The following POU6F1 variants were observed in gnomAD, a reference collection of about 807,000 sequenced individuals.
POU6F1 encodes the protein POU domain, class 6, transcription factor 1.
In POU6F1, 9 loss-of-function variants were observed where a neutral mutation model predicts 28.9. That is an observed-to-expected ratio of 0.31 (90% CI 0.19 to 0.54). POU6F1 has a LOEUF of 0.54. POU6F1 is among the 20% of genes least tolerant of loss of function. The pLI is 0.94. For synonymous variants in POU6F1, 173 were observed against 171.1 expected (o/e 1.01, Z -0.09); for missense variants, 338 against 426.1 (o/e 0.79, Z 1.82).
chr12:51,208,399 T>C (rs185312663), intron 1 of POU6F1, among the ~76,000 whole-genome samples: 1 of 152,332 alleles, frequency 6.6e-6, no homozygotes, highest in East Asian at 1.9e-4. Flanking sequence ...GCATATTGTA[T>C]GCTAGACATT....
At chr12:51,196,366 A>G (rs774356160) in intron 7 of POU6F1, among the ~76,000 whole-genome samples, 193 bp from the exon 8 acceptor site, 13 of 152,174 alleles carry the variant, frequency 8.5e-5, no homozygotes, top group Non-Finnish European at 1.9e-4. Flanking sequence ...CCTCAGAGCT[A>G]TGGTGGAGCA....
chr12:51,194,634 T>A, intron 8 of POU6F1, among the ~76,000 whole-genome samples: 1 of 142,246 alleles, frequency 7.0e-6, no homozygotes, highest in Admixed American at 7.0e-5. Context: ...AGCAAGACCC[T>A]GGTCTCAAAA....
At position 51,199,999 on chromosome 12, in the gene POU6F1, A is replaced by G. The variant is rs1269857276; in HGVS notation, c.245-131T>C. On this transcript the variant is annotated intron_variant, in intron 3 of 10. Coordinates refer to ENST00000333640, the MANE Select transcript of POU6F1 (RefSeq NM_001330422.2). The surrounding 1 kb of genome is among the most constrained non-coding windows in gnomAD (Gnocchi z 4.1). ...CCTCAGCCCCATGCTGCATTGCTAC[A>G]TAGCCCAAGACCAATTGTTGGTCTT... 2.5e-6 allele frequency: 1 copy of G among 397,966 alleles called. No homozygotes were observed. Among genetic ancestry groups the G allele is most frequent in the Non-Finnish European group, 4.4e-6 (1 of 225,794 alleles). The allele number at this position is 397,966 out of a possible 1,614,324, so 24.7% of individuals were successfully genotyped here. A position where few individuals can be genotyped will look rare whatever the true frequency, so the allele number is the denominator to read the frequency against.
chr12:51,198,000 G>T lies in POU6F1; in HGVS notation c.616C>A (p.Leu206Ile). The T allele has an allele frequency of 2.5e-6, 1 of 399,936 alleles. No individual in the cohort carries two copies. The highest frequency in any genetic ancestry group is 4.4e-6 in the Non-Finnish European group (1 of 226,754). The allele number at this position is 399,936 out of a possible 1,614,324, so 24.8% of individuals were successfully genotyped here. Reference sequence around the variant, plus strand: ...GCGGCAGCTTGTACCGGTGCCGGAAGAGCGGTGTTCAGCACAGCAGCTGCT... The same window carrying T: ...GCGGCAGCTTGTACCGGTGCCGGAATAGCGGTGTTCAGCACAGCAGCTGCT... Reference protein sequence around the residue: ...LQAAAVLNTALPAPVQAAAPV... With the variant: ...LQAAAVLNTAIPAPVQAAAPV... Residue 206 changes from leucine (L) to isoleucine (I), a missense_variant, in exon 6 of 11, where the codon CTT (leucine) becomes ATT (isoleucine). By Grantham distance (5) the Leu-to-Ile change is conservative. Around this residue, in one of 3 missense-constraint regions of POU6F1, gnomAD observed 206 missense variants for 225.6 expected, o/e 0.91. Coordinates refer to ENST00000333640, the MANE Select transcript of POU6F1 (RefSeq NM_001330422.2).
At chr12:51,208,322 CAG>C (rs993212053) in intron 1 of POU6F1, among the ~76,000 whole-genome samples, 19 of 151,834 alleles carry the variant, frequency 1.3e-4, no homozygotes, top group Non-Finnish European at 2.4e-4. Context: ...GAGAGAGAGA[CAG>C]AGAATCAGGC....
rs1942078585 is a variant in POU6F1 at position 51,187,191 on chromosome 12, T to A, written c.*3056A>T. 6.6e-6 allele frequency: 1 copy of A among 152,176 alleles called. No homozygotes were observed. Among genetic ancestry groups the A allele is most frequent in the Non-Finnish European group, 1.5e-5 (1 of 68,016 alleles). The allele number at this position is 152,176 out of a possible 1,614,324, so 9.4% of individuals were successfully genotyped here. A position where few individuals can be genotyped will look rare whatever the true frequency, so the allele number is the denominator to read the frequency against. ...GTGTTCCTTAGTCCATTTGGCTGAG[T>A]TCTTTCCCTGGACTTCACCTGGATA... On this transcript the variant is annotated 3_prime_UTR_variant, in exon 11 of 11. Transcript: ENST00000333640.
intron 4 of POU6F1, 78 bp from the exon 5 acceptor site, chr12:51,198,853 G>A (rs1943019675): frequency 7.5e-6 from 3 of 397,890 alleles, no homozygotes; most frequent in Non-Finnish European, 1.3e-5. Flanking sequence ...CTGGGTCTCT[G>A]AGACCCAGCT....
chr12:51,196,137 T>G lies in POU6F1; in HGVS notation c.1012A>C (p.Ser338Arg). ...TGGGCTGGTGCTGGGGCCGCCACAC[T>G]AGCTGAGTTCACTACCCATGGAAGG... ...GTLPWVVNSA[S>R]VAAPAPAQSL... Residue 338 changes from serine to arginine, a missense_variant, in exon 8 of 11, where the codon AGT becomes CGT. Ser to Arg is a moderately radical substitution (Grantham distance 110). Around this residue, in one of 3 missense-constraint regions of POU6F1, gnomAD observed 206 missense variants for 225.6 expected, o/e 0.91. Coordinates refer to ENST00000333640, the MANE Select transcript of POU6F1 (RefSeq NM_001330422.2). 6.4e-7 allele frequency: 1 copy of G among 1,564,416 alleles called. No homozygotes were observed. Among genetic ancestry groups the G allele is most frequent in the Non-Finnish European group, 8.6e-7 (1 of 1,158,022 alleles).
chr12:51,207,014 TAAAAA>T, intron 1 of POU6F1, 131 bp from the exon 2 acceptor site: 1 of 333,726 alleles, frequency 3.0e-6, no homozygotes. Flanking sequence ...CTGTAGAGGT[TAAAAA>T]AAAAAAAAAG....
At position 51,187,934 on chromosome 12, in the gene POU6F1, A is replaced by G. The variant is rs917414441; in HGVS notation, c.*2313T>C. 4 of 152,164 alleles carry G rather than the reference A, an allele frequency of 2.6e-5. No homozygotes were observed. Among genetic ancestry groups the G allele is most frequent in the African/African-American group, 4.8e-5 (2 of 41,436 alleles). 9.4% of individuals were successfully genotyped at this position (152,164 alleles called of 1,614,324 possible). A position where few individuals can be genotyped will look rare whatever the true frequency, so the allele number is the denominator to read the frequency against. On this transcript the variant is annotated 3_prime_UTR_variant, in exon 11 of 11. Coordinates refer to ENST00000333640, the MANE Select transcript of POU6F1 (RefSeq NM_001330422.2). ...TCTGAGCATGAAAACCTGCATCGCC[A>G]TAAGTTTTTGTTTGTTTGAGACCGA...
At position 51,196,890 on chromosome 12, in the gene POU6F1, A is replaced by G; in HGVS notation, c.884T>C (p.Leu295Pro). The G allele has an allele frequency of 6.2e-7, 1 of 1,611,860 alleles. No individual in the cohort carries two copies. Among genetic ancestry groups the G allele is most frequent in the Non-Finnish European group, 8.5e-7 (1 of 1,178,092 alleles). Residue 295 changes from leucine (L) to proline (P), a missense_variant, in exon 7 of 11, where the codon CTG (leucine) becomes CCG (proline). Physicochemically the swap from Leu to Pro is moderately conservative, Grantham distance 98 (BLOSUM62 -3). Coordinates refer to ENST00000333640, the MANE Select transcript of POU6F1 (RefSeq NM_001330422.2). ...GACTGGAGCTGTAGTGAGGGACCCC[A>G]GGATCTGGGTCTGTCCCCCGAGGGA... ...AASLGGQTQI[L>P]GSLTTAPVIT...
In POU6F1 at chr12:51,217,500, C is replaced by T. The variant is rs933425274; in HGVS notation, c.-48+142G>A. The stretch of plus-strand genomic sequence containing the variant: ...GGCCCAGCATCCCGCCGCCCCGGCC[C>T]CGCGGCTTTTTTTCTCTTTATCATA... On this transcript the variant is annotated intron_variant, in intron 1 of 10. Coordinates refer to ENST00000333640, the MANE Select transcript of POU6F1 (RefSeq NM_001330422.2). This position sits in a 1 kb window ranked among gnomAD's most constrained non-coding sequence, Gnocchi z 5.3. 6.5e-6 allele frequency: 1 copy of T among 152,824 alleles called. No individual in the cohort carries two copies. Among genetic ancestry groups the T allele is most frequent in the Non-Finnish European group, 1.5e-5 (1 of 68,046 alleles). 9.5% of individuals were successfully genotyped at this position (152,824 alleles called of 1,614,324 possible). A position where few individuals can be genotyped will look rare whatever the true frequency, so the allele number is the denominator to read the frequency against.
At chr12:51,213,492 G>A (rs1199108273) in intron 1 of POU6F1, among the ~76,000 whole-genome samples, 1 of 152,008 alleles carries the variant, frequency 6.6e-6, no homozygotes, top group Non-Finnish European at 1.5e-5. Context: ...GGTATTACTG[G>A]CATGAGCCAC....
At chr12:51,197,737 C>A in intron 6 of POU6F1, 33 bp downstream of exon 6, 1 of 399,498 alleles carries the variant, frequency 2.5e-6, no homozygotes. Context: ...TCCGTCCATC[C>A]CTGGTCAGCC....
At chr12:51,196,278 C>T in intron 7 of POU6F1, 105 bp from the exon 8 acceptor site, 2 of 957,296 alleles carry the variant, frequency 2.1e-6, no homozygotes, top group African/African-American at 1.7e-5. Flanking sequence ...GGACAAATCC[C>T]TCAACCTGCT....
At chr12:51,204,991 T>C (rs553519502) in intron 2 of POU6F1, among the ~76,000 whole-genome samples, 7 of 151,526 alleles carry the variant, frequency 4.6e-5, no homozygotes, top group African/African-American at 1.7e-4. Flanking sequence ...ATCCTGAAGA[T>C]GCATCCTCTC....
At chr12:51,211,193 A>G (rs1943963306) in intron 1 of POU6F1, among the ~76,000 whole-genome samples, 1 of 152,200 alleles carries the variant, frequency 6.6e-6, no homozygotes, top group African/African-American at 2.4e-5. Context: ...CAGGGAGGAG[A>G]GACAATCAGC....
At chr12:51,207,742 A>G (rs1943721722) in intron 1 of POU6F1, 1 of 152,262 alleles carries the variant, frequency 6.6e-6, no homozygotes, top group Non-Finnish European at 1.5e-5. Context: ...ATGTAAATGC[A>G]GACCCTTAGA....
In POU6F1 at chr12:51,198,003, C is replaced by A. The variant is rs780062802; in HGVS notation, c.613G>T (p.Ala205Ser). The A allele has an allele frequency of 1.2e-4, 47 of 399,630 alleles. No homozygotes were observed. Among genetic ancestry groups the A allele is most frequent in the Non-Finnish European group, 1.9e-4 (42 of 226,662 alleles). 24.8% of individuals were successfully genotyped at this position (399,630 alleles called of 1,614,324 possible). ...GLQAAAVLNT[A>S]LPAPVQAAAP... Reference sequence around the variant, plus strand: ...GCAGCTTGTACCGGTGCCGGAAGAGCGGTGTTCAGCACAGCAGCTGCTATG... The same window carrying A: ...GCAGCTTGTACCGGTGCCGGAAGAGAGGTGTTCAGCACAGCAGCTGCTATG... The change falls in exon 6 of 11, where the codon GCT (alanine) becomes TCT (serine). Residue 205 changes from alanine (A) to serine (S), a missense_variant. Around this residue, in one of 3 missense-constraint regions of POU6F1, gnomAD observed 206 missense variants for 225.6 expected, o/e 0.91. Transcript: ENST00000333640.
Sources: gnomAD v4.1 joint callset for allele counts (sites outside exome capture counted in the v4.1 genomes callset) on GRCh38, gnomAD v4.1.1 for gene constraint, gnomAD v4.1.1 regional missense constraint, Gnocchi (gnomAD v3.1) non-coding constraint, MANE v1.5 for transcripts, NCBI Gene and HGNC (gene_info 2026-07-23, HGNC 2026-07-21) for gene names.